Variants in SLC25A13 observed in about 807,000 individuals in gnomAD.
SLC25A13 encodes electrogenic aspartate/glutamate antiporter SLC25A13, mitochondrial.
Under a neutral mutation model 85.5 loss-of-function variants are expected in SLC25A13, and 70 were observed. The observed-to-expected ratio is 0.82, with a 90% CI of 0.68 to 1.00. SLC25A13 has a LOEUF of 1.00. Ranked by LOEUF, SLC25A13 falls within the 50% of genes least tolerant of loss-of-function variation. SLC25A13 has a pLI of 0.00. For synonymous variants in SLC25A13, 259 were observed against 288.7 expected (o/e 0.90, Z 1.04); for missense variants, 765 against 819.8 (o/e 0.93, Z 0.82).
At chr7:96,229,218 T>C (rs1400806324) in intron 4 of SLC25A13, among the ~76,000 whole-genome samples, 2 of 152,058 alleles carry the variant, frequency 1.3e-5, no homozygotes, top group Non-Finnish European at 2.9e-5. Flanking sequence ...AGCAGGAGGA[T>C]TGTATATGCT....
Position 96,195,571 on chromosome 7 carries a change from C to G in SLC25A13, c.469-2388G>C, listed in dbSNP as rs983728560. On this transcript the variant is annotated intron_variant, in intron 5 of 17. Coordinates refer to ENST00000265631, the MANE Select transcript of SLC25A13 (RefSeq NM_014251.3). ...AGAATTAAAAACCTGACTCCCTCCCCCTCCATGGAAATCTCCAATGACCCT... is the reference window on the plus strand; with the variant it reads ...AGAATTAAAAACCTGACTCCCTCCCGCTCCATGGAAATCTCCAATGACCCT... Among the ~76,000 whole-genome samples the G allele has an allele frequency of 1.1e-4, 16 of 152,230 alleles. No homozygotes were observed. The East Asian group carries it at 2.3e-3, about 22-fold the overall frequency.
intron 5 of SLC25A13, among the ~76,000 whole-genome samples, chr7:96,194,831 A>G (rs1694487774): frequency 6.6e-6 from 1 of 152,252 alleles, no homozygotes; most frequent in African/African-American, 2.4e-5. Context: ...AAGATAAGAC[A>G]TTTAATAGTA....
chr7:96,188,320 T>C (rs1057319590), intron 9 of SLC25A13, among the ~76,000 whole-genome samples: 4 of 152,178 alleles, frequency 2.6e-5, no homozygotes, highest in Admixed American at 6.5e-5. Context: ...ACACACCCAC[T>C]ACTTTGACTT....
intron 1 of SLC25A13, among the ~76,000 whole-genome samples, chr7:96,315,629 C>G (rs1415455051): frequency 2.6e-5 from 4 of 152,038 alleles, no homozygotes; most frequent in Non-Finnish European, 5.9e-5. Context: ...AGATAAGAAC[C>G]CCTAAAACCC....
chr7:96,140,545 T>C (rs1415899637), intron 14 of SLC25A13, among the ~76,000 whole-genome samples: 1 of 151,190 alleles, frequency 6.6e-6, no homozygotes, highest in African/African-American at 2.4e-5. Flanking sequence ...GCTGGAACTA[T>C]AGGCACGTCC....
chr7:96,309,828 T>C (rs1183616011), intron 1 of SLC25A13: 1 of 152,242 alleles, frequency 6.6e-6, no homozygotes, highest in Non-Finnish European at 1.5e-5. Flanking sequence ...CTAATTCATA[T>C]GTTGAAGTTC....
intron 3 of SLC25A13, among the ~76,000 whole-genome samples, chr7:96,267,799 TC>T (rs1301625716): frequency 1.0e-4 from 8 of 78,592 alleles, no homozygotes; most frequent in Admixed American, 3.0e-4. Context: ...AGACTCTGTC[TC>T]AAAAAAAAAA....
intron 9 of SLC25A13, among the ~76,000 whole-genome samples, chr7:96,187,176 T>TATA (rs1298180420): frequency 6.6e-6 from 1 of 152,236 alleles, no homozygotes; most frequent in Non-Finnish European, 1.5e-5. Context: ...GAGGGTGACA[T>TATA]ATAGTCAGTG....
At chr7:96,155,097 G>C (rs1793208672) in intron 13 of SLC25A13, among the ~76,000 whole-genome samples, 1 of 152,188 alleles carries the variant, frequency 6.6e-6, no homozygotes, top group African/African-American at 2.4e-5. Flanking sequence ...ACTGTACCAG[G>C]CCCAGCTTCT....
intron 3 of SLC25A13, among the ~76,000 whole-genome samples, chr7:96,246,495 C>T (rs1476149267): frequency 6.6e-6 from 1 of 152,258 alleles, no homozygotes; most frequent in East Asian, 1.9e-4. Context: ...CAAGAACATG[C>T]TATTTTCTTG....
At chr7:96,204,530 C>A (rs1795385182) in intron 5 of SLC25A13, among the ~76,000 whole-genome samples, 1 of 85,984 alleles carries the variant, frequency 1.2e-5, no homozygotes, top group Admixed American at 1.5e-4. Context: ...CAGAGTGAGA[C>A]CCTGTCTCAA....
intron 3 of SLC25A13, among the ~76,000 whole-genome samples, chr7:96,243,964 G>A (rs1797087402): frequency 6.6e-6 from 1 of 152,138 alleles, no homozygotes; most frequent in Non-Finnish European, 1.5e-5. Context: ...GAGTTAGAAA[G>A]GTTACGAAGA....
intron 4 of SLC25A13, among the ~76,000 whole-genome samples, chr7:96,230,458 T>G (rs141376186): frequency 6.6e-6 from 1 of 152,332 alleles, no homozygotes; most frequent in African/African-American, 2.4e-5. Flanking sequence ...TCTGCATGTA[T>G]GCTGTCATTC....
intron 11 of SLC25A13, among the ~76,000 whole-genome samples, chr7:96,177,805 G>T (rs996357957): frequency 1.7e-4 from 26 of 152,120 alleles, no homozygotes; most frequent in African/African-American, 6.3e-4. Context: ...TAACTTCTGA[G>T]CGACTATGTA....
At chr7:96,144,459 C>T (rs905805171) in intron 14 of SLC25A13, among the ~76,000 whole-genome samples, 1 of 152,118 alleles carries the variant, frequency 6.6e-6, no homozygotes, top group Non-Finnish European at 1.5e-5. Flanking sequence ...TTGGTAATTA[C>T]CAGTACACCA....
chr7:96,162,554 CT>C (rs1225212835), intron 13 of SLC25A13, among the ~76,000 whole-genome samples: 1 of 151,814 alleles, frequency 6.6e-6, no homozygotes, highest in African/African-American at 2.4e-5. Flanking sequence ...CAGATTTCCT[CT>C]CTCAATAATT....
intron 14 of SLC25A13, 25 bp from the exon 15 acceptor site, chr7:96,131,906 A>G (rs756599320): frequency 1.9e-6 from 3 of 1,613,816 alleles, no homozygotes; most frequent in Non-Finnish European, 2.5e-6. Flanking sequence ...AGGAAGAAAA[A>G]CCACATGAAA....
chr7:96,191,360 A>C, intron 6 of SLC25A13, 113 bp from the exon 7 acceptor site: 19 of 1,109,248 alleles, frequency 1.7e-5, no homozygotes, highest in Non-Finnish European at 2.5e-5. Flanking sequence ...CATGTACAAG[A>C]AGAAATGACT....
At chr7:96,178,208 G>T (rs188350963) in intron 11 of SLC25A13, among the ~76,000 whole-genome samples, 93 of 152,300 alleles carry the variant, frequency 6.1e-4, no homozygotes, top group African/African-American at 2.1e-3. Context: ...AAGGCGCAGG[G>T]TCAGGAGTGG....
Sources: gnomAD v4.1 joint callset for allele counts (sites outside exome capture counted in the v4.1 genomes callset) on GRCh38, gnomAD v4.1.1 for gene constraint, MANE v1.5 for transcripts, NCBI Gene and HGNC (gene_info 2026-07-23, HGNC 2026-07-21) for gene names.